POLK: variants seen among roughly 807,000 people sequenced by gnomAD.
The protein encoded by POLK is polymerase (DNA directed) kappa.
A neutral mutation model predicts 94.0 loss-of-function variants in POLK; 76 were observed. That is an observed-to-expected ratio of 0.81 (90% CI 0.67 to 0.98). POLK has a LOEUF of 0.98. Ranked by LOEUF, POLK falls within the 50% of genes least tolerant of loss-of-function variation. POLK has a pLI of 0.00. For synonymous variants in POLK, 349 were observed against 325.4 expected (o/e 1.07, Z -0.78); for missense variants, 954 against 1,010.1 (o/e 0.94, Z 0.75).
At chr5:75,532,568 G>T (rs1477720737) in intron 1 of POLK, among the ~76,000 whole-genome samples, 2 of 152,012 alleles carry the variant, frequency 1.3e-5, no homozygotes, top group Non-Finnish European at 2.9e-5. Flanking sequence ...TGTCTTTTAT[G>T]GTAGAACGAT....
intron 1 of POLK, among the ~76,000 whole-genome samples, chr5:75,522,999 C>T (rs924666774): frequency 7.2e-5 from 11 of 152,134 alleles, no homozygotes; most frequent in Non-Finnish European, 8.8e-5. Context: ...AATGTAACTA[C>T]GTTCTTCAAT....
chr5:75,570,889 G>C (rs886859346), intron 4 of POLK, among the ~76,000 whole-genome samples: 2 of 152,084 alleles, frequency 1.3e-5, no homozygotes, highest in Non-Finnish European at 2.9e-5. Context: ...CTGTGAGTAT[G>C]CAGGCAGCTG....
chr5:75,592,435 C>T (rs545703985), intron 11 of POLK, among the ~76,000 whole-genome samples: 1 of 152,264 alleles, frequency 6.6e-6, no homozygotes, highest in African/African-American at 2.4e-5. Context: ...GTTGGGGGGC[C>T]AGGCACGGTG....
At chr5:75,543,537 T>A (rs930364793) in intron 1 of POLK, among the ~76,000 whole-genome samples, 5 of 152,128 alleles carry the variant, frequency 3.3e-5, no homozygotes, top group African/African-American at 7.2e-5. Flanking sequence ...TAAATGGAGC[T>A]GGTTGGAGGG....
chr5:75,524,170 A>G lies in POLK; in HGVS notation c.-14+12256A>G, dbSNP rs559346737. Among the ~76,000 whole-genome samples, 17 of 152,228 alleles carry G rather than the reference A, an allele frequency of 1.1e-4. No individual in the cohort carries two copies. The South Asian group carries it at 3.5e-3, about 32-fold the overall frequency. Reference sequence around the variant, plus strand: ...AAAAAAAAACTTTCAGATTGTAAAAAGGGCAGATAAGAGGAAGCAGGAGTA... The same window carrying G: ...AAAAAAAAACTTTCAGATTGTAAAAGGGGCAGATAAGAGGAAGCAGGAGTA... On this transcript the variant is annotated intron_variant, in intron 1 of 14. Coordinates refer to ENST00000241436, the Ensembl canonical transcript of POLK.
intron 1 of POLK, among the ~76,000 whole-genome samples, chr5:75,545,057 G>T (rs1364930163): frequency 6.6e-6 from 1 of 152,142 alleles, no homozygotes; most frequent in African/African-American, 2.4e-5. Context: ...ATTTGGTATG[G>T]GAGGAGCTTT....
intron 5 of POLK, among the ~76,000 whole-genome samples, chr5:75,575,478 G>A (rs1215395144): frequency 6.6e-6 from 1 of 152,198 alleles, no homozygotes; most frequent in Non-Finnish European, 1.5e-5. Context: ...ATCATGCCCA[G>A]TTAGCCATTT....
intron 1 of POLK, among the ~76,000 whole-genome samples, chr5:75,532,334 T>C (rs1284901909): frequency 6.6e-6 from 1 of 152,202 alleles, no homozygotes; most frequent in Non-Finnish European, 1.5e-5. Flanking sequence ...ATGCAGTGTT[T>C]GGTTTTCTGT....
At chr5:75,604,478 G>C (rs1202222218), downstream of POLK, among the ~76,000 whole-genome samples, 1 of 152,198 alleles carries the variant, frequency 6.6e-6, no homozygotes, top group African/African-American at 2.4e-5. Flanking sequence ...TTGGGATCAA[G>C]ATCCTCTCAT....
chr5:75,602,234 C>T (rs182128573), downstream of POLK, among the ~76,000 whole-genome samples: 262 of 152,298 alleles, frequency 1.7e-3, 3 homozygotes, highest in South Asian at 0.022. Context: ...TGACCTTACC[C>T]GTTGAGTCTC....
In POLK at chr5:75,583,254, A is replaced by T. The variant is rs753989834; in HGVS notation, c.935-39A>T. 3 of 1,491,832 alleles carry T rather than the reference A, an allele frequency of 2.0e-6. No individual in the cohort carries two copies. The South Asian group carries it at 4.2e-5, about 21-fold the overall frequency. The allele number at this position is 1,491,832 out of a possible 1,614,324, so 92.4% of individuals were successfully genotyped here. A position where few individuals can be genotyped will look rare whatever the true frequency, so the allele number is the denominator to read the frequency against. ...TATTGCATATTTAAAAGTCATACAT[A>T]TCAACTTCTTTGAGTCATCAGAGTA... On this transcript the variant is annotated intron_variant, in intron 7 of 14. Coordinates refer to ENST00000241436, the Ensembl canonical transcript of POLK.
At chr5:75,597,323 C>A in intron 13 of POLK, 145 bp downstream of exon 13, 1 of 598,088 alleles carries the variant, frequency 1.7e-6, no homozygotes, top group Non-Finnish European at 2.9e-6. Flanking sequence ...GGTTACATTG[C>A]CATAGGTTAG....
Position 75,597,948 on chromosome 5 carries a change from C to CA in POLK, c.2546dup (p.Tyr850ValfsTer17), listed in dbSNP as rs780672044. 8 of 1,492,382 alleles carry CA rather than the reference C, an allele frequency of 5.4e-6. No homozygotes were observed. In the South Asian group the frequency reaches 1.1e-4, roughly 20 times the overall value. The allele number at this position is 1,492,382 out of a possible 1,614,324, so 92.4% of individuals were successfully genotyped here. Reference sequence around the variant, plus strand: ...TTTCATTCTAGGCCAGGATTGATGACAAAGTACTCAACATCAAAGAAAATA... The same window carrying CA: ...TTTCATTCTAGGCCAGGATTGATGACAAAAGTACTCAACATCAAAGAAAATA... On this transcript the variant is annotated frameshift_variant, in exon 15 of 15. Transcript: ENST00000241436. LOFTEE classifies it high-confidence loss of function.
At chr5:75,553,805 G>C (rs1243093681) in intron 3 of POLK, among the ~76,000 whole-genome samples, 1 of 152,060 alleles carries the variant, frequency 6.6e-6, no homozygotes, top group African/African-American at 2.4e-5. Flanking sequence ...CTTTTATTCT[G>C]TTTGCGAGTA....
intron 1 of POLK, among the ~76,000 whole-genome samples, chr5:75,530,396 CTTTTTTTTTTTTTTTTTT>C (rs201266079): frequency 0.18 from 11,356 of 62,014 alleles, 663 homozygotes; most frequent in South Asian, 0.33. Flanking sequence ...TTCCCTTTTT[CTTTTTTTTTTTTTTTTTT>C]TTTTTTTTGA....
chr5:75,605,813 T>G (rs919100585), downstream of POLK, among the ~76,000 whole-genome samples: 2 of 151,766 alleles, frequency 1.3e-5, no homozygotes, highest in Admixed American at 1.3e-4. Context: ...AAATCTTCCA[T>G]GAAGAAAGAG....
At chr5:75,521,244 T>C (rs746128744) in intron 1 of POLK, among the ~76,000 whole-genome samples, 3 of 152,166 alleles carry the variant, frequency 2.0e-5, no homozygotes, top group Admixed American at 6.6e-5. Flanking sequence ...ATTTAGTCTT[T>C]TGAGGTGATT....
chr5:75,515,851 G>T (rs779290639), intron 1 of POLK, among the ~76,000 whole-genome samples: 29 of 152,180 alleles, frequency 1.9e-4, no homozygotes, highest in Non-Finnish European at 3.4e-4. Flanking sequence ...CTGCTCAGGA[G>T]TTTAAAACTA....
chr5:75,530,377 T>G (rs1769103833), intron 1 of POLK, among the ~76,000 whole-genome samples: 1 of 146,960 alleles, frequency 6.8e-6, no homozygotes, highest in African/African-American at 2.5e-5. Flanking sequence ...AGCCTCTTTG[T>G]ATTTTTTTTT....
Sources: allele counts gnomAD v4.1 joint callset (sites outside exome capture counted in the v4.1 genomes callset), GRCh38; gene constraint gnomAD v4.1.1; transcripts MANE v1.5; gene names NCBI Gene and HGNC (gene_info 2026-07-23, HGNC 2026-07-21).